The following PLD5 variants were observed in gnomAD, a reference collection of about 807,000 sequenced individuals.
PLD5 encodes phospholipase D family member 5, also known as inactive phospholipase D5.
PLD5 carries 36 observed loss-of-function variants against 61.1 expected under a neutral mutation model. The observed-to-expected ratio is 0.59, with a 90% confidence interval of 0.45 to 0.78. The LOEUF (loss-of-function observed/expected upper bound fraction) is 0.78, where lower values mean the gene tolerates loss of function less well. Ranked by LOEUF, PLD5 falls within the 30% of genes least tolerant of loss-of-function variation. PLD5 has a pLI of 0.00. For synonymous variants in PLD5, 243 were observed against 242.8 expected, an observed-to-expected ratio of 1.00 and a Z score of -0.01; for missense variants, 515 against 644.4, an observed-to-expected ratio of 0.80 and a Z score of 2.17.
At chr1:242,118,137 A>G (rs558460193) in intron 6 of PLD5, among the ~76,000 whole-genome samples, 3 of 152,306 alleles carry the variant, frequency 2.0e-5, no homozygotes, top group African/African-American at 7.2e-5. Flanking sequence ...TTTAGAGGAA[A>G]GAGCATGGGC....
intron 1 of PLD5, among the ~76,000 whole-genome samples, chr1:242,519,206 G>A (rs115817843): frequency 6.6e-6 from 1 of 152,150 alleles, no homozygotes. Context: ...TATTTTCATG[G>A]ATCTGCTCCG....
intron 5 of PLD5, among the ~76,000 whole-genome samples, chr1:242,206,526 A>G (rs1329408493): frequency 2.0e-5 from 3 of 152,208 alleles, no homozygotes; most frequent in Non-Finnish European, 4.4e-5. Flanking sequence ...ATCCCCAGAA[A>G]CTTAACTACT....
chr1:242,333,406 C>T (rs1659309259), intron 2 of PLD5, among the ~76,000 whole-genome samples: 8 of 152,054 alleles, frequency 5.3e-5, no homozygotes, highest in Admixed American at 1.3e-4. Context: ...GAAGTTTCAA[C>T]AGTCAGCAAT....
intron 5 of PLD5, among the ~76,000 whole-genome samples, chr1:242,141,576 G>A (rs1201446898): frequency 6.6e-6 from 1 of 152,162 alleles, no homozygotes; most frequent in Non-Finnish European, 1.5e-5. Flanking sequence ...ATTCCCTAAA[G>A]AGGATATTTT....
intron 2 of PLD5, among the ~76,000 whole-genome samples, chr1:242,336,110 T>A (rs1420888706): frequency 1.3e-5 from 2 of 152,222 alleles, no homozygotes; most frequent in Non-Finnish European, 1.5e-5. Context: ...TCAGAATTTT[T>A]AAAAATACAT....
chr1:242,107,790 G>A lies in PLD5; in HGVS notation c.1120C>T (p.Arg374Ter), dbSNP rs367992813. Residue 374 changes from arginine (R) to a stop codon, truncating the protein, a stop_gained, in exon 8 of 10, where the codon CGA (arginine) becomes TGA (stop). Transcript: ENST00000536534. LOFTEE classifies it high-confidence loss of function. ...AAAAGGAGTCGAACTCTAACGCTTCGTAAAACTAATGCTTCTCTTATTTTT... is the reference window on the plus strand; with the variant it reads ...AAAAGGAGTCGAACTCTAACGCTTCATAAAACTAATGCTTCTCTTATTTTT... ...DAKIREALVL[R>*]SVRVRLLLSF... 9.9e-6 allele frequency: 16 copies of A among 1,611,686 alleles called. No homozygotes were observed. The highest frequency in any genetic ancestry group is 1.3e-5 in the Non-Finnish European group (15 of 1,179,356).
chr1:242,131,834 C>CT (rs1392695908), intron 5 of PLD5, among the ~76,000 whole-genome samples: 6 of 86,060 alleles, frequency 7.0e-5, no homozygotes, highest in Non-Finnish European at 1.3e-4. Flanking sequence ...TTCTTTCTTT[C>CT]CTTTTTTTTT....
intron 1 of PLD5, among the ~76,000 whole-genome samples, chr1:242,409,824 T>C (rs1664447874): frequency 6.6e-6 from 1 of 152,124 alleles, no homozygotes; most frequent in South Asian, 2.1e-4. Flanking sequence ...CCTGGGGATA[T>C]GTGGGGGCGC....
rs556065394 is a variant in PLD5 at position 242,089,627 on chromosome 1, C to G, written c.*227G>C. 4 of 588,792 alleles carry G rather than the reference C, an allele frequency of 6.8e-6. No individual in the cohort carries two copies. The highest frequency in any genetic ancestry group is 4.6e-4 in the Middle Eastern group (1 of 2,194). The allele number at this position is 588,792 out of a possible 1,614,324, so 36.5% of individuals were successfully genotyped here. ...ATGCAAACGTAAAAACTAACTTCTA[C>G]GCCAGAATGACATTCTCTGTCAGAG... On this transcript the variant is annotated 3_prime_UTR_variant, in exon 10 of 10. Coordinates refer to ENST00000536534, the MANE Select transcript of PLD5 (RefSeq NM_001372062.1).
intron 5 of PLD5, among the ~76,000 whole-genome samples, chr1:242,168,022 A>G (rs1223361777): frequency 2.6e-5 from 4 of 152,258 alleles, no homozygotes; most frequent in African/African-American, 9.6e-5. Context: ...CTGCAAATCA[A>G]TGGAACCAGA....
intron 3 of PLD5, among the ~76,000 whole-genome samples, chr1:242,283,180 A>G (rs533781495): frequency 1.3e-5 from 2 of 152,332 alleles, no homozygotes; most frequent in East Asian, 3.9e-4. Flanking sequence ...CAACCATCAC[A>G]CTCACTCTTA....
intron 2 of PLD5, among the ~76,000 whole-genome samples, chr1:242,322,990 C>G (rs573474944): frequency 2.0e-5 from 3 of 152,268 alleles, no homozygotes; most frequent in Admixed American, 1.3e-4. Context: ...CAAGGGCAGA[C>G]AGTCTCTCTC....
rs1294538987 is a variant in PLD5 at position 242,222,529 on chromosome 1, C to T, written c.608-2414G>A. Among the ~76,000 whole-genome samples, 4 of 152,228 alleles carry T rather than the reference C, an allele frequency of 2.6e-5. No individual in the cohort carries two copies. In the East Asian group the frequency reaches 7.7e-4, roughly 29 times the overall value. ...GAACCCTCTGTGACACTGACTGGCC[C>T]TCATCTCCTGGCGTGGGACACTGTG... On this transcript the variant is annotated intron_variant, in intron 4 of 9. Coordinates refer to ENST00000536534, the MANE Select transcript of PLD5 (RefSeq NM_001372062.1).
chr1:242,287,350 T>C (rs920209056), intron 3 of PLD5, among the ~76,000 whole-genome samples: 12 of 152,204 alleles, frequency 7.9e-5, no homozygotes, highest in Non-Finnish European at 1.8e-4. Context: ...TAAACCACTA[T>C]ATTTTAGGAG....
chr1:242,303,618 A>G (rs1198006756), intron 2 of PLD5, among the ~76,000 whole-genome samples: 2 of 152,176 alleles, frequency 1.3e-5, no homozygotes, highest in Non-Finnish European at 2.9e-5. Flanking sequence ...TAAATGCTTG[A>G]CTCAAGCACA....
At chr1:242,463,728 G>A (rs1398534646) in intron 1 of PLD5, among the ~76,000 whole-genome samples, 1 of 150,494 alleles carries the variant, frequency 6.6e-6, no homozygotes, top group Admixed American at 6.7e-5. Context: ...CCATCCTCGT[G>A]TACACTCAGG....
chr1:242,270,155 C>T (rs1673971002), intron 3 of PLD5, among the ~76,000 whole-genome samples: 1 of 151,138 alleles, frequency 6.6e-6, no homozygotes, highest in Non-Finnish European at 1.5e-5. Context: ...AGCAGTTGAA[C>T]TCTTAGTGCA....
chr1:242,462,709 C>T (rs1667157468), intron 1 of PLD5, among the ~76,000 whole-genome samples: 1 of 152,110 alleles, frequency 6.6e-6, no homozygotes, highest in Non-Finnish European at 1.5e-5. Context: ...TCCCTTAGAC[C>T]TTGTGCCACC....
At chr1:242,293,642 C>T (rs376462830) in intron 2 of PLD5, among the ~76,000 whole-genome samples, 1 of 152,074 alleles carries the variant, frequency 6.6e-6, no homozygotes, top group Admixed American at 6.5e-5. Flanking sequence ...TACTGTATTA[C>T]CGTTATTTGG....
Sources: allele counts gnomAD v4.1 joint callset (sites outside exome capture counted in the v4.1 genomes callset), GRCh38; gene constraint gnomAD v4.1.1; transcripts MANE v1.5; gene names NCBI Gene and HGNC (gene_info 2026-07-23, HGNC 2026-07-21).